ADAMTSL1: variants seen among roughly 807,000 people sequenced by gnomAD.
ADAMTSL1 encodes the protein ADAMTS-like protein 1.
In ADAMTSL1, 126 loss-of-function variants were observed where a neutral mutation model predicts 201.8. The ratio of observed to expected loss-of-function variants is 0.62; its 90% CI spans 0.54 to 0.72. The LOEUF is 0.72. Among genes scored for constraint, ADAMTSL1 ranks in the 30% least tolerant of loss-of-function variants. The probability of loss-of-function intolerance (pLI) is 0.00; values close to 1 mark genes in which losing one functional copy is unlikely to be tolerated. For synonymous variants in ADAMTSL1, 1,121 were observed against 903.4 expected (o/e 1.24, Z -4.32); for missense variants, 2,679 against 2,277.8 (o/e 1.18, Z -3.59).
chr9:18,865,207 T>C (rs534105917), intron 23 of ADAMTSL1, among the ~76,000 whole-genome samples: 25 of 145,506 alleles, frequency 1.7e-4, no homozygotes, highest in South Asian at 9.8e-4. Context: ...CACCCCACAA[T>C]AGGCCCCGGT....
At chr9:18,383,058 G>C (rs944550817) in intron 2 of ADAMTSL1, among the ~76,000 whole-genome samples, 9 of 152,242 alleles carry the variant, frequency 5.9e-5, no homozygotes, top group Non-Finnish European at 1.0e-4. Context: ...AGCTAGACTA[G>C]GATCCATTTC....
chr9:18,236,931 T>C (rs1830872122), intron 2 of ADAMTSL1, among the ~76,000 whole-genome samples: 1 of 152,182 alleles, frequency 6.6e-6, no homozygotes, highest in Non-Finnish European at 1.5e-5. Flanking sequence ...AATTACTGAA[T>C]CACATGTTGC....
At chr9:18,626,340 A>T (rs1339818041) in intron 5 of ADAMTSL1, among the ~76,000 whole-genome samples, 1 of 152,236 alleles carries the variant, frequency 6.6e-6, no homozygotes, top group Non-Finnish European at 1.5e-5. Context: ...CAGTAAATTA[A>T]TAAAGAAAGG....
At chr9:18,428,631 G>A (rs911278531) in intron 2 of ADAMTSL1, among the ~76,000 whole-genome samples, 14 of 151,690 alleles carry the variant, frequency 9.2e-5, no homozygotes, top group African/African-American at 3.1e-4. Flanking sequence ...CAAAAAACAA[G>A]AAAAACACAA....
chr9:18,225,345 C>G (rs1182372220), intron 2 of ADAMTSL1, among the ~76,000 whole-genome samples: 1 of 152,104 alleles, frequency 6.6e-6, no homozygotes, highest in African/African-American at 2.4e-5. Flanking sequence ...AGTAAAAGTG[C>G]ACTCGTGGAG....
chr9:18,722,256 A>G (rs1833438795), intron 15 of ADAMTSL1, among the ~76,000 whole-genome samples: 1 of 152,168 alleles, frequency 6.6e-6, no homozygotes, highest in African/African-American at 2.4e-5. Context: ...TAATCAATCC[A>G]ATCACTGCTT....
At chr9:18,688,689 A>AAATATATATATATATAT (rs1554730404) in intron 13 of ADAMTSL1, among the ~76,000 whole-genome samples, 1 of 8,652 alleles carries the variant, frequency 1.2e-4, no homozygotes, top group African/African-American at 3.7e-4. Flanking sequence ...AAAAAAAAAA[A>AAATATATATATATATAT]ATATATATAT....
chr9:18,245,413 C>T (rs1012363356), intron 2 of ADAMTSL1, among the ~76,000 whole-genome samples: 4 of 152,098 alleles, frequency 2.6e-5, no homozygotes, highest in Admixed American at 6.6e-5. Flanking sequence ...TTGGACTAGT[C>T]GTATTTCAAG....
chr9:18,258,115 G>A (rs1212916441), intron 2 of ADAMTSL1, among the ~76,000 whole-genome samples: 1 of 152,082 alleles, frequency 6.6e-6, no homozygotes, highest in Non-Finnish European at 1.5e-5. Flanking sequence ...AGGTAAAATG[G>A]CAAATTTTAT....
At chr9:18,286,236 A>G (rs1232671567) in intron 2 of ADAMTSL1, among the ~76,000 whole-genome samples, 1 of 152,196 alleles carries the variant, frequency 6.6e-6, no homozygotes, top group Non-Finnish European at 1.5e-5. Context: ...ATATCTAAAA[A>G]CAGAAACCTA....
chr9:18,198,524 G>A (rs1287429903), intron 2 of ADAMTSL1, among the ~76,000 whole-genome samples: 2 of 148,350 alleles, frequency 1.3e-5, no homozygotes, highest in Middle Eastern at 3.6e-3. Flanking sequence ...ATCATCACTG[G>A]CCATCAGAGA....
intron 1 of ADAMTSL1, among the ~76,000 whole-genome samples, chr9:18,488,884 G>A (rs1290802338): frequency 1.3e-5 from 2 of 152,162 alleles, no homozygotes; most frequent in Non-Finnish European, 2.9e-5. Flanking sequence ...TTGAATTTGT[G>A]GGGTCTGGAG....
intron 13 of ADAMTSL1, among the ~76,000 whole-genome samples, chr9:18,701,417 G>A (rs200223472): frequency 5.9e-4 from 90 of 152,028 alleles, no homozygotes; most frequent in African/African-American, 1.5e-3. Flanking sequence ...ACAGGGTTTC[G>A]CCATGTTGGC....
chr9:18,140,222 A>G (rs1826339711), intron 1 of ADAMTSL1, among the ~76,000 whole-genome samples: 1 of 152,166 alleles, frequency 6.6e-6, no homozygotes, highest in Admixed American at 6.6e-5. Flanking sequence ...GAAGTGGGAA[A>G]ACGTTTCTAA....
chr9:18,205,461 G>A (rs952039766), intron 2 of ADAMTSL1, among the ~76,000 whole-genome samples: 1 of 151,248 alleles, frequency 6.6e-6, no homozygotes, highest in African/African-American at 2.4e-5. Flanking sequence ...TTCTCCCTTT[G>A]TTTTGAGTAA....
intron 2 of ADAMTSL1, among the ~76,000 whole-genome samples, chr9:18,359,480 G>A (rs549843684): frequency 3.9e-4 from 59 of 152,290 alleles, no homozygotes; most frequent in Non-Finnish European, 6.6e-4. Flanking sequence ...GACAATGTTT[G>A]ACCCAAAAGA....
intron 1 of ADAMTSL1, among the ~76,000 whole-genome samples, chr9:18,054,471 CT>C (rs1486686129): frequency 1.3e-5 from 2 of 152,188 alleles, no homozygotes; most frequent in Admixed American, 6.5e-5. Context: ...CCAGTTTCTG[CT>C]TTTCATTATT....
At chr9:18,305,969 A>G (rs752698521) in intron 2 of ADAMTSL1, among the ~76,000 whole-genome samples, 1 of 152,160 alleles carries the variant, frequency 6.6e-6, no homozygotes, top group Non-Finnish European at 1.5e-5. Flanking sequence ...TCCAGCTGGC[A>G]TCTGGCAGGT....
At chr9:18,192,084 C>T (rs1271974928) in intron 2 of ADAMTSL1, among the ~76,000 whole-genome samples, 1 of 152,058 alleles carries the variant, frequency 6.6e-6, no homozygotes, top group African/African-American at 2.4e-5. Context: ...TCTCATGTTG[C>T]TATCTTCATG....
Sources: allele counts gnomAD v4.1 joint callset (sites outside exome capture counted in the v4.1 genomes callset), GRCh38; gene constraint gnomAD v4.1.1; transcripts MANE v1.5; gene names NCBI Gene and HGNC (gene_info 2026-07-23, HGNC 2026-07-21).